The following DMD variants were observed in gnomAD, a reference collection of about 807,000 sequenced individuals.
DMD encodes mutant dystrophin.
A neutral mutation model predicts 330.1 loss-of-function variants in DMD; 63 were observed. The observed-to-expected ratio is 0.19, with a 90% CI of 0.16 to 0.24. The LOEUF (loss-of-function observed/expected upper bound fraction) is 0.24. DMD is among the 10% of genes least tolerant of loss of function. The pLI is 1.00. For synonymous variants in DMD, 1,223 were observed against 959.8 expected, an observed-to-expected ratio of 1.27 and a Z score of -5.07; for missense variants, 3,344 against 2,684.1, an observed-to-expected ratio of 1.25 and a Z score of -5.43.
At chrX:31,978,990 A>C (rs1461157333) in intron 44 of DMD, among the ~76,000 whole-genome samples, 1 of 112,380 alleles carries the variant, frequency 8.9e-6, no homozygotes, top group Admixed American at 9.4e-5. Flanking sequence ...AAAGTTATCT[A>C]TCCTATAAAA....
At position 31,722,038 on chromosome X, in the gene DMD, A is replaced by T. The variant is rs758321694; in HGVS notation, c.7660+7593T>A. Among the ~76,000 whole-genome samples the T allele has an allele frequency of 6.3e-5, 7 of 110,821 alleles. 1 individual carries two copies. The highest frequency in any genetic ancestry group is 2.0e-4 in the African/African-American group (6 of 30,570). On this transcript the variant is annotated intron_variant, in intron 52 of 78. Coordinates refer to ENST00000357033, the MANE Select transcript of DMD (RefSeq NM_004006.3). ...ATCCTGTTTTGCTAAAGGATGTGTG[A>T]CAGATATTATGTCATTTATGATGTT...
intron 1 of DMD, among the ~76,000 whole-genome samples, chrX:33,025,609 T>C (rs1411845074): frequency 8.9e-6 from 1 of 112,092 alleles, no homozygotes; most frequent in Non-Finnish European, 1.9e-5. Context: ...CTGGAGTGCA[T>C]TGGAACCATC....
At chrX:32,935,139 C>T (rs1034110527) in intron 2 of DMD, among the ~76,000 whole-genome samples, 9 of 112,402 alleles carry the variant, frequency 8.0e-5, no homozygotes, top group African/African-American at 2.9e-4. Flanking sequence ...CCACCACGCC[C>T]CGCTAATTTC....
intron 2 of DMD, among the ~76,000 whole-genome samples, chrX:32,998,763 T>G (rs752873982): frequency 8.9e-6 from 1 of 112,019 alleles, no homozygotes; most frequent in Non-Finnish European, 1.9e-5. Context: ...TTTATAATGC[T>G]TTTAAAAATA....
chrX:33,222,697 G>C (rs1440755814), intron 1 of DMD, among the ~76,000 whole-genome samples: 1 of 111,818 alleles, frequency 8.9e-6, no homozygotes, highest in Non-Finnish European at 1.9e-5. Flanking sequence ...CAAGGTAGCA[G>C]GATGCAAGAT....
At chrX:31,490,800 C>T (rs763302111) in intron 57 of DMD, among the ~76,000 whole-genome samples, 2 of 112,128 alleles carry the variant, frequency 1.8e-5, no homozygotes, top group African/African-American at 6.5e-5. Context: ...CAGGCCAGCA[C>T]TGATAACAGA....
intron 44 of DMD, among the ~76,000 whole-genome samples, chrX:32,022,919 G>T (rs890659082): frequency 5.8e-5 from 6 of 102,820 alleles, no homozygotes; most frequent in Admixed American, 4.4e-4. Context: ...TGCAAACTCC[G>T]CCTCCCGGGT....
chrX:32,972,329 C>A (rs2092411863), intron 2 of DMD, among the ~76,000 whole-genome samples: 1 of 110,291 alleles, frequency 9.1e-6, no homozygotes, highest in East Asian at 2.9e-4. Flanking sequence ...AGGCATGCAC[C>A]ACGACGCTCT....
At chrX:32,859,061 C>T (rs1208681401) in intron 2 of DMD, among the ~76,000 whole-genome samples, 3 of 111,414 alleles carry the variant, frequency 2.7e-5, no homozygotes, top group African/African-American at 6.5e-5. Flanking sequence ...CACATAGGAA[C>T]GTTATACAGA....
At chrX:32,656,435 A>T (rs1324469348) in intron 9 of DMD, among the ~76,000 whole-genome samples, 2 of 111,505 alleles carry the variant, frequency 1.8e-5, no homozygotes, top group Non-Finnish European at 3.8e-5. Flanking sequence ...AGAGAAACAA[A>T]CTCATTTTTT....
intron 7 of DMD, among the ~76,000 whole-genome samples, chrX:32,708,714 G>A (rs1168699526): frequency 9.0e-6 from 1 of 110,997 alleles, no homozygotes; most frequent in African/African-American, 3.3e-5. Flanking sequence ...AATTCCTAAG[G>A]AAGAAACGAG....
chrX:32,428,703 C>A (rs763424759), intron 29 of DMD, among the ~76,000 whole-genome samples: 1 of 111,443 alleles, frequency 9.0e-6, no homozygotes, highest in South Asian at 3.7e-4. Flanking sequence ...CCTCTGCCTC[C>A]CAGATTCAAG....
chrX:32,066,780 G>T (rs761098140), intron 44 of DMD, among the ~76,000 whole-genome samples: 2 of 111,321 alleles, frequency 1.8e-5, no homozygotes. Context: ...ACTTCTGTGC[G>T]CACAAACTAA....
chrX:32,037,148 G>C (rs1348325850), intron 44 of DMD, among the ~76,000 whole-genome samples: 1 of 111,951 alleles, frequency 8.9e-6, no homozygotes, highest in African/African-American at 3.2e-5. Context: ...AGACTTCAAG[G>C]GTTGTTTTAA....
intron 43 of DMD, among the ~76,000 whole-genome samples, chrX:32,274,408 C>T (rs2097377413): frequency 1.8e-5 from 2 of 111,853 alleles, no homozygotes; most frequent in African/African-American, 6.5e-5. Context: ...AAGTTTTAAA[C>T]TAACCTCTAA....
At chrX:31,299,286 A>G (rs1233367151) in intron 62 of DMD, among the ~76,000 whole-genome samples, 1 of 111,781 alleles carries the variant, frequency 8.9e-6, no homozygotes, top group East Asian at 2.8e-4. Flanking sequence ...TTTTTAAAGA[A>G]AGCTTTAGAG....
intron 7 of DMD, among the ~76,000 whole-genome samples, chrX:32,780,996 T>G (rs185847436): frequency 0.027 from 2,907 of 108,570 alleles, 104 homozygotes; most frequent in African/African-American, 0.093. Flanking sequence ...CAGGCGCCTG[T>G]AGTCCCAGCT....
At position 33,050,968 on chromosome X, in the gene DMD, A is replaced by G. The variant is rs73621871; in HGVS notation, c.32-30768T>C. ...ATTCTTCTAGGCCGTTCTCAGACCCATTTTCAAAAAAACAATAAATCCAAA... is the reference window on the plus strand; with the variant it reads ...ATTCTTCTAGGCCGTTCTCAGACCCGTTTTCAAAAAAACAATAAATCCAAA... On this transcript the variant is annotated intron_variant, in intron 1 of 78. Transcript: ENST00000357033. Among the ~76,000 whole-genome samples, 220 of 111,147 alleles carry G rather than the reference A, an allele frequency of 2.0e-3. 1 individual carries two copies. The highest frequency in any genetic ancestry group is 7.0e-3 in the African/African-American group (214 of 30,611).
chrX:32,299,888 A>G (rs2097515023), intron 42 of DMD, among the ~76,000 whole-genome samples: 1 of 111,600 alleles, frequency 9.0e-6, no homozygotes, highest in Non-Finnish European at 1.9e-5. Flanking sequence ...TTCCTCCTCT[A>G]TAAAATTCCT....
Sources: gnomAD v4.1 joint callset for allele counts (sites outside exome capture counted in the v4.1 genomes callset) on GRCh38, gnomAD v4.1.1 for gene constraint, MANE v1.5 for transcripts, NCBI Gene and HGNC (gene_info 2026-07-23, HGNC 2026-07-21) for gene names.